XRN1: variants seen among roughly 807,000 people sequenced by gnomAD.
XRN1 encodes the protein 5'-3' exoribonuclease 1.
In XRN1, 67 loss-of-function variants were observed where a neutral mutation model predicts 222.3. That is an observed-to-expected ratio of 0.30 (90% CI 0.25 to 0.37). XRN1 has a LOEUF of 0.37. Ranked by LOEUF, XRN1 falls within the 10% of genes least tolerant of loss-of-function variation. XRN1 has a pLI of 1.00. For synonymous variants in XRN1, 643 were observed against 652.4 expected, an observed-to-expected ratio of 0.99 and a Z score of 0.22; for missense variants, 1,707 against 2,000.2, an observed-to-expected ratio of 0.85 and a Z score of 2.80.
In XRN1 at chr3:142,332,541, G is replaced by A. The variant is rs555781179; in HGVS notation, c.4063-7C>T. 9 of 1,602,036 alleles carry A rather than the reference G, an allele frequency of 5.6e-6. No individual in the cohort carries two copies. In the African/African-American group the frequency reaches 9.4e-5, roughly 17 times the overall value. ...TAAGCATCCGTGTTCCCTTCTTTTT[G>A]AAAATGATTCACATGGAGATGGTGA... On this transcript the variant is annotated splice_polypyrimidine_tract_variant and splice_region_variant and intron_variant, in intron 35 of 40. Transcript: ENST00000392981.
Position 142,357,007 on chromosome 3 carries a change from G to C in XRN1, c.3577C>G (p.Pro1193Ala), listed in dbSNP as rs2066483325. 1 of 1,614,064 alleles carries C rather than the reference G, an allele frequency of 6.2e-7. No homozygotes were observed. The highest frequency in any genetic ancestry group is 1.3e-5 in the African/African-American group (1 of 75,040). The change falls in exon 31 of 41, where the codon CCA becomes GCA. Residue 1193 changes from proline to alanine, a missense_variant. Pro to Ala is a conservative substitution (Grantham distance 27, BLOSUM62 -1). Around this residue, in one of 2 missense-constraint regions of XRN1, gnomAD observed 1,234 missense variants for 1,518.2 expected, o/e 0.81. Coordinates refer to ENST00000392981, the MANE Select transcript of XRN1 (RefSeq NM_001282857.2). ...QKLTAIVKPQ[P>A]AVHQHSSSSS... ...CTTGAGCTATGTTGATGTACAGCTG[G>C]TTGTGGTTTTACGATGGCTGTCAAC...
At chr3:142,337,503 A>C in intron 33 of XRN1, among the ~76,000 whole-genome samples, 1 of 152,216 alleles carries the variant, frequency 6.6e-6, no homozygotes, top group East Asian at 1.9e-4. Flanking sequence ...ATAACAAATG[A>C]GTCATATTTT....
intron 36 of XRN1, among the ~76,000 whole-genome samples, chr3:142,330,172 A>C (rs2065655153): frequency 6.6e-6 from 1 of 152,216 alleles, no homozygotes; most frequent in South Asian, 2.1e-4. Flanking sequence ...TGCAGAAGTA[A>C]GAAGAGAAAA....
chr3:142,445,869 C>T (rs993705162), intron 1 of XRN1, among the ~76,000 whole-genome samples: 1 of 152,204 alleles, frequency 6.6e-6, no homozygotes, highest in Non-Finnish European at 1.5e-5. Context: ...TCTGTTTCAG[C>T]TACCGCTATC....
At chr3:142,427,144 A>C (rs1320275139) in intron 2 of XRN1, among the ~76,000 whole-genome samples, 4 of 152,202 alleles carry the variant, frequency 2.6e-5, no homozygotes, top group African/African-American at 9.6e-5. Flanking sequence ...AGCTTGGGCA[A>C]CAAAGCAAGA....
At chr3:142,333,457 T>C (rs954891154) in intron 34 of XRN1, among the ~76,000 whole-genome samples, 3 of 152,192 alleles carry the variant, frequency 2.0e-5, no homozygotes, top group Non-Finnish European at 4.4e-5. Context: ...TTATGTGCTA[T>C]TTTCCCTTTT....
chr3:142,409,298 C>T (rs1274829925), intron 15 of XRN1, among the ~76,000 whole-genome samples: 1 of 152,088 alleles, frequency 6.6e-6, no homozygotes, highest in East Asian at 1.9e-4. Flanking sequence ...ATGGTTTTAG[C>T]TTTTATTAAT....
At chr3:142,312,204 G>A (rs113583574) in intron 40 of XRN1, among the ~76,000 whole-genome samples, 53 of 152,106 alleles carry the variant, frequency 3.5e-4, no homozygotes, top group Non-Finnish European at 6.8e-4. Context: ...TTGAGCCCAG[G>A]AAGTCAAGGC....
chr3:142,328,592 A>G (rs2065586913), intron 37 of XRN1, among the ~76,000 whole-genome samples: 1 of 150,140 alleles, frequency 6.7e-6, no homozygotes, highest in Admixed American at 6.7e-5. Context: ...TTGTTGAGGA[A>G]AAGAATGTAT....
Position 142,355,498 on chromosome 3 carries a change from T to A in XRN1, c.3673-2A>T. Reference sequence around the variant, plus strand: ...TTCATCATCATCTTTAGTAGGTACCTAGCAAAGTACAAACAATTTCTTGAG... The same window carrying A: ...TTCATCATCATCTTTAGTAGGTACCAAGCAAAGTACAAACAATTTCTTGAG... On this transcript the variant is annotated splice_acceptor_variant, in intron 31 of 40. Transcript: ENST00000392981. LOFTEE classifies it high-confidence loss of function. 6.5e-7 allele frequency: 1 copy of A among 1,547,234 alleles called. No individual in the cohort carries two copies. Among genetic ancestry groups the A allele is most frequent in the Non-Finnish European group, 8.8e-7 (1 of 1,133,664 alleles).
At chr3:142,380,787 G>A (rs2067278826) in intron 22 of XRN1, among the ~76,000 whole-genome samples, 1 of 151,860 alleles carries the variant, frequency 6.6e-6, no homozygotes, top group Admixed American at 6.6e-5. Context: ...AGCCTCTCAA[G>A]CAGCTGGAGC....
At chr3:142,339,245 AT>A (rs1305465718) in intron 33 of XRN1, among the ~76,000 whole-genome samples, 7 of 152,136 alleles carry the variant, frequency 4.6e-5, no homozygotes, top group African/African-American at 9.7e-5. Flanking sequence ...GAGATACCCC[AT>A]TTGTTTGGGA....
rs1296569407 is a variant in XRN1 at position 142,412,535 on chromosome 3, T to G, written c.1713+9A>C. 2 of 1,583,328 alleles carry G rather than the reference T, an allele frequency of 1.3e-6. No homozygotes were observed. The highest frequency in any genetic ancestry group is 1.7e-6 in the Non-Finnish European group (2 of 1,160,784). Reference sequence around the variant, plus strand: ...GTATGTGTATGTAATGATTATTTCATGCACTGACCTCATCAATAAAAGGGA... The same window carrying G: ...GTATGTGTATGTAATGATTATTTCAGGCACTGACCTCATCAATAAAAGGGA... On this transcript the variant is annotated intron_variant, in intron 15 of 40. Transcript: ENST00000392981.
At chr3:142,397,263 T>C (rs1160994932) in intron 20 of XRN1, 66 bp downstream of exon 20, 18 of 1,422,044 alleles carry the variant, frequency 1.3e-5, no homozygotes, top group Non-Finnish European at 1.7e-5. Context: ...GGAAAATAAG[T>C]TAGAGAATGA....
intron 15 of XRN1, among the ~76,000 whole-genome samples, chr3:142,411,909 C>T (rs1339874111): frequency 5.3e-5 from 8 of 151,530 alleles, no homozygotes; most frequent in Middle Eastern, 3.4e-3. Flanking sequence ...GTAGGCTCCG[C>T]CCCCGGGGGT....
chr3:142,366,653 G>C (rs1289131296), intron 27 of XRN1, among the ~76,000 whole-genome samples: 3 of 152,132 alleles, frequency 2.0e-5, no homozygotes, highest in Non-Finnish European at 2.9e-5. Flanking sequence ...AATTTTAATA[G>C]AGTGAACAGT....
At chr3:142,314,555 A>G (rs2065156473) in intron 39 of XRN1, among the ~76,000 whole-genome samples, 1 of 152,124 alleles carries the variant, frequency 6.6e-6, no homozygotes, top group South Asian at 2.1e-4. Context: ...CGGTGATACT[A>G]TTACATTGAG....
chr3:142,320,739 T>A (rs980113139), intron 37 of XRN1, among the ~76,000 whole-genome samples: 19 of 152,316 alleles, frequency 1.2e-4, no homozygotes, highest in African/African-American at 4.6e-4. Context: ...AGATATTTTT[T>A]ATCAGATATA....
intron 19 of XRN1, among the ~76,000 whole-genome samples, chr3:142,399,334 A>G (rs1365553739): frequency 6.6e-6 from 1 of 152,098 alleles, no homozygotes; most frequent in African/African-American, 2.4e-5. Flanking sequence ...ATAAAAACAG[A>G]CATGGAGGAA....
Sources: allele counts gnomAD v4.1 joint callset (sites outside exome capture counted in the v4.1 genomes callset), GRCh38; gene constraint gnomAD v4.1.1; regional missense constraint gnomAD v4.1.1; transcripts MANE v1.5; gene names NCBI Gene and HGNC (gene_info 2026-07-23, HGNC 2026-07-21).